The following TYW1 variants were observed in gnomAD, a reference collection of about 807,000 sequenced individuals.
TYW1 encodes the protein S-adenosyl-L-methionine-dependent tRNA 4-demethylwyosine synthase TYW1.
In TYW1, 46 loss-of-function variants were observed where a neutral mutation model predicts 96.2. The observed-to-expected ratio is 0.48, with a 90% CI of 0.38 to 0.61. The LOEUF is 0.61. Ranked by LOEUF, TYW1 falls within the 20% of genes least tolerant of loss-of-function variation. TYW1 has a pLI of 0.00. For synonymous variants in TYW1, 274 were observed against 323.0 expected (o/e 0.85, Z 1.63); for missense variants, 684 against 909.6 (o/e 0.75, Z 3.19).
intron 6 of TYW1, among the ~76,000 whole-genome samples, chr7:67,019,881 T>C (rs1794180973): frequency 1.3e-5 from 2 of 152,302 alleles, no homozygotes; most frequent in South Asian, 4.1e-4. Context: ...TGGTGTGCAA[T>C]GCAAATAGCA....
intron 13 of TYW1, among the ~76,000 whole-genome samples, chr7:67,182,540 G>GACAAC (rs66874120): frequency 0.28 from 42,475 of 151,710 alleles, 6,424 homozygotes; most frequent in African/African-American, 0.4. Flanking sequence ...CTCCAGCCTG[G>GACAAC]AGGGCGAGAC....
chr7:67,074,668 T>A (rs1796147989), intron 10 of TYW1, among the ~76,000 whole-genome samples: 1 of 152,202 alleles, frequency 6.6e-6, no homozygotes, highest in South Asian at 2.1e-4. Flanking sequence ...AAAATTGATT[T>A]AAATGTTACA....
intron 14 of TYW1, among the ~76,000 whole-genome samples, chr7:67,184,908 A>G (rs572405128): frequency 6.6e-6 from 1 of 151,736 alleles, no homozygotes; most frequent in East Asian, 1.9e-4. Flanking sequence ...GGGTTTCACC[A>G]TGTTGACCAG....
intron 10 of TYW1, among the ~76,000 whole-genome samples, chr7:67,070,814 A>C (rs1418197143): frequency 6.6e-6 from 1 of 152,048 alleles, no homozygotes; most frequent in South Asian, 2.1e-4. Context: ...CATGGTTTGT[A>C]TGCAAAGAAA....
chr7:67,073,184 TG>T (rs976193894), intron 10 of TYW1, among the ~76,000 whole-genome samples: 1 of 152,096 alleles, frequency 6.6e-6, no homozygotes, highest in African/African-American at 2.4e-5. Context: ...GTTAAATCAG[TG>T]GTTCTCAACT....
intron 15 of TYW1, among the ~76,000 whole-genome samples, chr7:67,232,159 A>G (rs1258655968): frequency 1.8e-4 from 28 of 151,812 alleles, no homozygotes; most frequent in Admixed American, 1.7e-3. Flanking sequence ...TGTACCTGGG[A>G]TGTAGAGGTT....
intron 10 of TYW1, among the ~76,000 whole-genome samples, chr7:67,081,220 CT>C (rs59852863): frequency 0.015 from 1,852 of 120,110 alleles, 15 homozygotes; most frequent in Non-Finnish European, 0.022. Context: ...GCTTGGTGGT[CT>C]TTTTTTTTTT....
intron 6 of TYW1, among the ~76,000 whole-genome samples, chr7:67,020,678 C>G (rs373723316): frequency 6.6e-6 from 1 of 152,278 alleles, no homozygotes; most frequent in South Asian, 2.1e-4. Context: ...CCATTGTCAT[C>G]CTATTATTCT....
At chr7:67,191,139 AAGAG>A (rs1211989170) in intron 14 of TYW1, among the ~76,000 whole-genome samples, 1 of 152,172 alleles carries the variant, frequency 6.6e-6, no homozygotes, top group African/African-American at 2.4e-5. Flanking sequence ...AAGGCAGAGA[AAGAG>A]AGACAGACGG....
chr7:67,188,487 G>A (rs1800099082), intron 14 of TYW1, among the ~76,000 whole-genome samples: 1 of 152,138 alleles, frequency 6.6e-6, no homozygotes, highest in Non-Finnish European at 1.5e-5. Context: ...GTGCATATCT[G>A]TCAGGGCTGT....
In TYW1 at chr7:67,009,494, G is replaced by A. The variant is rs1371700167; in HGVS notation, c.274-89G>A. 2.7e-6 allele frequency: 3 copies of A among 1,121,796 alleles called. No homozygotes were observed. In the South Asian group the frequency reaches 4.1e-5, roughly 16 times the overall value. The allele number at this position is 1,121,796 out of a possible 1,614,324, so 69.5% of individuals were successfully genotyped here. On this transcript the variant is annotated intron_variant, in intron 3 of 15. Transcript: ENST00000359626. ...AGTCACTGAAAATATTTTTCATGAG[G>A]AATGCCACATTCTTGTGCCAACAGG...
chr7:67,147,464 A>G (rs186820579), intron 13 of TYW1, among the ~76,000 whole-genome samples: 3 of 152,068 alleles, frequency 2.0e-5, no homozygotes, highest in Admixed American at 1.3e-4. Flanking sequence ...ATACGTGCAC[A>G]TTGGTTACAC....
intron 13 of TYW1, among the ~76,000 whole-genome samples, chr7:67,120,313 C>G (rs1238384825): frequency 6.6e-6 from 1 of 152,064 alleles, no homozygotes; most frequent in Non-Finnish European, 1.5e-5. Context: ...AAACTCCTGA[C>G]CTCAAGTGAT....
intron 12 of TYW1, among the ~76,000 whole-genome samples, chr7:67,100,970 C>T (rs1584561593): frequency 6.6e-6 from 1 of 151,978 alleles, no homozygotes; most frequent in African/African-American, 2.4e-5. Flanking sequence ...TCAGAAGCCA[C>T]ACTCTGTTAC....
At chr7:67,198,476 G>A (rs1289921054) in intron 15 of TYW1, among the ~76,000 whole-genome samples, 5 of 151,908 alleles carry the variant, frequency 3.3e-5, no homozygotes, top group Non-Finnish European at 7.4e-5. Flanking sequence ...TCTTGAACCC[G>A]GGAGGTGGAG....
chr7:67,175,195 G>T (rs1476797337), intron 13 of TYW1, among the ~76,000 whole-genome samples: 1 of 136,442 alleles, frequency 7.3e-6, no homozygotes, highest in Non-Finnish European at 1.6e-5. Flanking sequence ...TTTTGAGATG[G>T]AGTTTTGCTC....
chr7:67,136,480 CT>C (rs561822732), intron 13 of TYW1, among the ~76,000 whole-genome samples: 5 of 151,402 alleles, frequency 3.3e-5, no homozygotes, highest in Admixed American at 6.7e-5. Flanking sequence ...TATAAATTGG[CT>C]TTTTTTTCAC....
rs1298592532 is a variant in TYW1 at position 67,034,125 on chromosome 7, A to T, written c.984+9103A>T. On this transcript the variant is annotated intron_variant, in intron 7 of 15. Transcript: ENST00000359626. ...TTTTATTTTATTTTTTTTTTTTGAG[A>T]TGGAGTCTTGCTCTGTTGCCCAGGC... 1.3e-4 allele frequency among the ~76,000 whole-genome samples: 18 copies of T among 141,380 alleles called. 1 individual carries two copies. The highest frequency in any genetic ancestry group is 4.0e-3 in the Middle Eastern group (1 of 248). 92.8% of individuals were successfully genotyped at this position (141,380 alleles called of 152,430 possible).
intron 13 of TYW1, among the ~76,000 whole-genome samples, chr7:67,119,041 T>C (rs1451102354): frequency 6.6e-6 from 1 of 152,134 alleles, no homozygotes; most frequent in African/African-American, 2.4e-5. Context: ...GCCTTTCTTG[T>C]GTGTTTTCAT....
Sources: allele counts gnomAD v4.1 joint callset (sites outside exome capture counted in the v4.1 genomes callset), GRCh38; gene constraint gnomAD v4.1.1; transcripts MANE v1.5; gene names NCBI Gene and HGNC (gene_info 2026-07-23, HGNC 2026-07-21).